Variants in AIPL1 observed in about 807,000 individuals in gnomAD.
AIPL1 encodes AIP like 1 HSP90 co-chaperone, also known as aryl-hydrocarbon-interacting protein-like 1.
Under a neutral mutation model 32.9 loss-of-function variants are expected in AIPL1, and 23 were observed. The observed-to-expected ratio is 0.70, with a 90% CI of 0.50 to 0.99. The LOEUF is 0.99. Among genes scored for constraint, AIPL1 ranks in the 50% least tolerant of loss-of-function variants. The pLI is 0.00. For synonymous variants in AIPL1, 210 were observed against 209.4 expected (o/e 1.00, Z -0.02); for missense variants, 485 against 506.0 (o/e 0.96, Z 0.40).
chr17:6,426,564 T>G, intron 5 of AIPL1, 51 bp downstream of exon 5: 1 of 1,593,524 alleles, frequency 6.3e-7, no homozygotes, highest in Non-Finnish European at 8.5e-7. Flanking sequence ...GGTGTCTCCG[T>G]GGCCCTGGGC....
intron 2 of AIPL1, among the ~76,000 whole-genome samples, chr17:6,433,426 G>A (rs1339454291): frequency 6.6e-6 from 1 of 152,098 alleles, no homozygotes; most frequent in African/African-American, 2.4e-5. Context: ...GCAAAACTCT[G>A]TCTCTACAAA....
chr17:6,433,600 C>CTCTCTCTCTCTCTT (rs1912826680), intron 2 of AIPL1, among the ~76,000 whole-genome samples: 2 of 123,856 alleles, frequency 1.6e-5, no homozygotes, highest in African/African-American at 6.8e-5. Flanking sequence ...CTCTCTCTCT[C>CTCTCTCTCTCTCTT]TCTCTCTCTC....
chr17:6,426,041 A>G, intron 5 of AIPL1: 2 of 1,077,006 alleles, frequency 1.9e-6, no homozygotes, highest in Non-Finnish European at 2.6e-6. Context: ...AGGCCCTGTG[A>G]GTAATTTTAT....
intron 2 of AIPL1, among the ~76,000 whole-genome samples, chr17:6,431,080 C>G (rs1409788649): frequency 6.6e-6 from 1 of 152,184 alleles, no homozygotes; most frequent in African/African-American, 2.4e-5. Flanking sequence ...CTTAACTTGT[C>G]TGAGCCATTG....
At chr17:6,426,345 C>T (rs1308921216) in intron 5 of AIPL1, 7 of 1,402,806 alleles carry the variant, frequency 5.0e-6, no homozygotes, top group Non-Finnish European at 6.5e-6. Context: ...CTTTTTTAAA[C>T]GCCTGTTTAC....
chr17:6,426,331 C>T (rs1911949391), intron 5 of AIPL1: 18 of 1,391,968 alleles, frequency 1.3e-5, no homozygotes, highest in Non-Finnish European at 1.6e-5. Context: ...TATTGATTGC[C>T]CCTCTTTTTT....
intron 2 of AIPL1, among the ~76,000 whole-genome samples, chr17:6,431,560 C>T (rs937934734): frequency 1.3e-5 from 2 of 152,124 alleles, no homozygotes; most frequent in African/African-American, 4.8e-5. Context: ...CAAAACAACC[C>T]CTTAACTTAG....
rs1911827592 is a variant in AIPL1, at chr17:6,425,514, AG to A, written c.1100del (p.Pro367LeufsTer51). 6.2e-7 allele frequency: 1 copy of A among 1,609,576 alleles called. No individual in the cohort carries two copies. ...GGGGTGGCTCTGTGGCTGGCTCTGC[AG>A]GGGGCCCTGCGGACAGCTCTGCAGA... ...APSAELSAGP[P>X]AEPATEPPPS... is the part of the protein sequence containing the mutation. On this transcript the variant is annotated frameshift_variant, in exon 6 of 6. Transcript: ENST00000381129. LOFTEE classifies it low-confidence loss of function (END_TRUNC).
intron 1 of AIPL1, among the ~76,000 whole-genome samples, chr17:6,434,428 G>C (rs146326264): frequency 1.8e-4 from 25 of 142,088 alleles, no homozygotes; most frequent in Non-Finnish European, 1.7e-4. Flanking sequence ...GTATGATCTC[G>C]GCTCACTGCA....
intron 5 of AIPL1, 55 bp downstream of exon 5, chr17:6,426,560 T>C: frequency 6.3e-7 from 1 of 1,586,812 alleles, no homozygotes; most frequent in Non-Finnish European, 8.5e-7. Flanking sequence ...GGCAGGTGTC[T>C]CCGTGGCCCT....
In AIPL1 at chr17:6,425,313, T is replaced by C; in HGVS notation, c.*147A>G. The C allele has an allele frequency of 8.4e-6, 9 of 1,065,594 alleles. No individual in the cohort carries two copies. The highest frequency in any genetic ancestry group is 3.2e-5 in the African/African-American group (2 of 62,574). 66.0% of individuals were successfully genotyped at this position (1,065,594 alleles called of 1,614,324 possible). A position where few individuals can be genotyped will look rare whatever the true frequency, so the allele number is the denominator to read the frequency against. ...CTTCTGTACCCTTGGGATTGTTTTT[T>C]TTTTTTTTTTTACCATGGGTGTGTC... On this transcript the variant is annotated 3_prime_UTR_variant, in exon 6 of 6. Coordinates refer to ENST00000381129, the MANE Select transcript of AIPL1 (RefSeq NM_014336.5).
chr17:6,426,208 G>A (rs771752682), intron 5 of AIPL1: 3 of 1,279,036 alleles, frequency 2.3e-6, no homozygotes, highest in Non-Finnish European at 3.0e-6. Flanking sequence ...ATGAGCCAGG[G>A]GCTGGATGTT....
At chr17:6,433,627 A>T (rs528640206) in intron 2 of AIPL1, among the ~76,000 whole-genome samples, 1,634 of 132,626 alleles carry the variant, frequency 0.012, 13 homozygotes, top group African/African-American at 0.028. Flanking sequence ...ACACACACAC[A>T]CACACACACA....
chr17:6,434,353 G>GCTTT (rs1555547872), intron 1 of AIPL1, among the ~76,000 whole-genome samples: 4 of 91,402 alleles, frequency 4.4e-5, no homozygotes, highest in African/African-American at 1.6e-4. Flanking sequence ...GTAAGCCCGA[G>GCTTT]TTCTTTTTTT....
intron 2 of AIPL1, among the ~76,000 whole-genome samples, chr17:6,429,191 G>A (rs59451222): frequency 0.02 from 3,054 of 152,320 alleles, 109 homozygotes; most frequent in African/African-American, 0.07. Context: ...GGGCTGGGAA[G>A]ATCCGCCGTG....
intron 4 of AIPL1, 24 bp downstream of exon 4, chr17:6,426,857 C>A: frequency 6.2e-7 from 1 of 1,613,748 alleles, no homozygotes; most frequent in Non-Finnish European, 8.5e-7. Flanking sequence ...CGCCACTTCC[C>A]ACCCCTGGCC....
At chr17:6,427,851 T>C (rs986469197) in intron 3 of AIPL1, among the ~76,000 whole-genome samples, 1 of 151,908 alleles carries the variant, frequency 6.6e-6, no homozygotes, top group African/African-American at 2.4e-5. Context: ...AGTCTCACTC[T>C]GTCACCCAGG....
intron 5 of AIPL1, chr17:6,426,083 C>T (rs957877124): frequency 1.6e-5 from 19 of 1,225,282 alleles, no homozygotes; most frequent in Middle Eastern, 2.9e-4. Context: ...TTCTTATAGA[C>T]GCTACCTAAA....
intron 2 of AIPL1, among the ~76,000 whole-genome samples, chr17:6,429,678 T>C (rs1485401551): frequency 6.6e-6 from 1 of 152,146 alleles, no homozygotes; most frequent in Non-Finnish European, 1.5e-5. Context: ...TGCATTACAA[T>C]TGTTTAGGTG....
Sources: gnomAD v4.1 joint callset for allele counts (sites outside exome capture counted in the v4.1 genomes callset) on GRCh38, gnomAD v4.1.1 for gene constraint, MANE v1.5 for transcripts, NCBI Gene and HGNC (gene_info 2026-07-23, HGNC 2026-07-21) for gene names.